The following NUP210 variants were observed in gnomAD, a reference collection of about 807,000 sequenced individuals.
NUP210 encodes nucleoporin 210.
A neutral mutation model predicts 196.0 loss-of-function variants in NUP210; 151 were observed. The ratio of observed to expected loss-of-function variants is 0.77; its 90% CI spans 0.67 to 0.88. The LOEUF (loss-of-function observed/expected upper bound fraction) is 0.88, where lower values mean the gene tolerates loss of function less well. Among genes scored for constraint, NUP210 ranks in the 40% least tolerant of loss-of-function variants. The probability of loss-of-function intolerance (pLI) is 0.00; values close to 1 mark genes in which losing one functional copy is unlikely to be tolerated. For synonymous variants in NUP210, 1,070 were observed against 1,052.7 expected (o/e 1.02, Z -0.32); for missense variants, 2,314 against 2,493.7 (o/e 0.93, Z 1.53).
chr3:13,411,343 G>T (rs533181122), intron 1 of NUP210, among the ~76,000 whole-genome samples: 1 of 152,336 alleles, frequency 6.6e-6, no homozygotes, highest in Non-Finnish European at 1.5e-5. Context: ...GAGTGAGTGT[G>T]GTTCTGGATC....
In NUP210 at chr3:13,323,205, T is replaced by C; in HGVS notation, c.4768+104A>G. 1 of 1,422,264 alleles carries C rather than the reference T, an allele frequency of 7.0e-7. No homozygotes were observed. Among genetic ancestry groups the C allele is most frequent in the East Asian group, 2.3e-5 (1 of 43,282 alleles). The allele number at this position is 1,422,264 out of a possible 1,614,324, so 88.1% of individuals were successfully genotyped here. A position where few individuals can be genotyped will look rare whatever the true frequency, so the allele number is the denominator to read the frequency against. ...CTAAATGCCCTCTCTGGAGTTGGTG[T>C]GAGTGTGAATAGGAGAAGCAGATAA... On this transcript the variant is annotated intron_variant, in intron 34 of 39. Transcript: ENST00000254508. The surrounding 1 kb of genome is among the most constrained non-coding windows in gnomAD (Gnocchi z 4.3).
At chr3:13,367,407 C>T (rs530367477) in intron 13 of NUP210, among the ~76,000 whole-genome samples, 2 of 152,248 alleles carry the variant, frequency 1.3e-5, no homozygotes, top group East Asian at 1.9e-4. Flanking sequence ...TGCACTCCCA[C>T]GTAGGCAACG....
At chr3:13,357,634 G>A (rs754018734) in intron 16 of NUP210, among the ~76,000 whole-genome samples, 5 of 152,184 alleles carry the variant, frequency 3.3e-5, no homozygotes, top group African/African-American at 9.7e-5. Flanking sequence ...AGCACCTTGG[G>A]CTCTGAATGC....
chr3:13,413,480 A>AG (rs1700247097), intron 1 of NUP210, among the ~76,000 whole-genome samples: 1 of 151,602 alleles, frequency 6.6e-6, no homozygotes, highest in Non-Finnish European at 1.5e-5. Context: ...AAAAAAAAAA[A>AG]CAAACAAACA....
intron 32 of NUP210, among the ~76,000 whole-genome samples, chr3:13,326,613 C>G (rs1288190652): frequency 6.6e-6 from 1 of 152,236 alleles, no homozygotes; most frequent in African/African-American, 2.4e-5. Flanking sequence ...AGATGTACTA[C>G]AGGTCACCTG....
Position 13,379,112 on chromosome 3 carries a change from G to C in NUP210, c.977-132C>G. The stretch of plus-strand genomic sequence containing the variant: ...AAGAAGAGGGGATGAAAACTCCCCT[G>C]GCTTAGGCCACGTAGAGCAAAGGCA... On this transcript the variant is annotated intron_variant, in intron 7 of 39. Transcript: ENST00000254508. The surrounding 1 kb of genome is among the most constrained non-coding windows in gnomAD (Gnocchi z 4.2). The C allele has an allele frequency of 1.3e-6, 1 of 789,282 alleles. No individual in the cohort carries two copies. Among genetic ancestry groups the C allele is most frequent in the Non-Finnish European group, 2.2e-6 (1 of 453,576 alleles). The allele number at this position is 789,282 out of a possible 1,614,324, so 48.9% of individuals were successfully genotyped here. A position where few individuals can be genotyped will look rare whatever the true frequency, so the allele number is the denominator to read the frequency against.
chr3:13,351,954 T>C lies in NUP210; in HGVS notation c.2760A>G (p.Ser920=). The part of the protein sequence containing the change: ...IQAELRIREG[S]GYFFLNTSTA... ...TGCTGGTGTTGAGGAAGAAGTAACCTGAGCCTTCCCTGATGCGGAGCTCTG... is the reference window on the plus strand; with the variant it reads ...TGCTGGTGTTGAGGAAGAAGTAACCCGAGCCTTCCCTGATGCGGAGCTCTG... The change falls in exon 20 of 40, where the codon TCA becomes TCG. Residue 920 remains serine, a synonymous_variant. Transcript: ENST00000254508. The C allele has an allele frequency of 3.1e-6, 5 of 1,612,408 alleles. No individual in the cohort carries two copies. The highest frequency in any genetic ancestry group is 1.7e-5 in the Admixed American group (1 of 59,942).
At chr3:13,380,078 T>C (rs1699052294) in intron 6 of NUP210, among the ~76,000 whole-genome samples, 2 of 152,186 alleles carry the variant, frequency 1.3e-5, no homozygotes, top group South Asian at 4.1e-4. Context: ...GGGTTCTTGC[T>C]GGTTCCGTCC....
intron 26 of NUP210, among the ~76,000 whole-genome samples, chr3:13,337,349 C>G (rs1044909913): frequency 9.9e-5 from 15 of 152,206 alleles, no homozygotes; most frequent in African/African-American, 3.6e-4. Context: ...CTTGAGGGCA[C>G]AGGCGGAGGC....
chr3:13,352,220 G>A (rs1296690075), intron 18 of NUP210, 36 bp from the exon 19 acceptor site: 3 of 1,502,946 alleles, frequency 2.0e-6, no homozygotes. Context: ...GATCCAGGAG[G>A]ACATGATTAG....
intron 4 of NUP210, among the ~76,000 whole-genome samples, chr3:13,390,771 C>A (rs1301109560): frequency 6.6e-6 from 1 of 152,254 alleles, no homozygotes; most frequent in African/African-American, 2.4e-5. Flanking sequence ...AGGTGTCCGC[C>A]TCACAACTGG....
rs750942993 is a variant in NUP210, at chr3:13,365,977, T to G, written c.1901A>C (p.Lys634Thr). The change falls in exon 14 of 40, where the codon AAG becomes ACG. Residue 634 changes from lysine (K) to threonine (T), a missense_variant. Lys to Thr is a moderately conservative substitution (Grantham distance 78). Transcript: ENST00000254508. Reference sequence around the variant, plus strand: ...GGGCAGGTAGGCAGCAATGGTGATCTTGGCACTCAGGTGGACGTGGCCGTG... The same window carrying G: ...GGGCAGGTAGGCAGCAATGGTGATCGTGGCACTCAGGTGGACGTGGCCGTG... ...YRHGHVHLSA[K>T]ITIAAYLPLK... is the part of the protein sequence containing the mutation. 1 of 1,614,174 alleles carries G rather than the reference T, an allele frequency of 6.2e-7. No homozygotes were observed. Among genetic ancestry groups the G allele is most frequent in the Admixed American group, 1.7e-5 (1 of 60,030 alleles).
intron 8 of NUP210, among the ~76,000 whole-genome samples, chr3:13,377,983 C>T (rs1156690268): frequency 6.6e-6 from 1 of 152,198 alleles, no homozygotes; most frequent in Non-Finnish European, 1.5e-5. Flanking sequence ...CTGGCCTCCT[C>T]CTTCTGCTGA....
At position 13,330,528 on chromosome 3, in the gene NUP210, T is replaced by C; in HGVS notation, c.4042A>G (p.Thr1348Ala). Residue 1348 changes from threonine (T) to alanine (A), a missense_variant, in exon 30 of 40, where the codon ACA becomes GCA. Physicochemically the swap from Thr to Ala is moderately conservative, Grantham distance 58. Transcript: ENST00000254508. The stretch of plus-strand genomic sequence containing the variant: ...TGTGCAATCACTTCGATGGTGGATG[T>C]CCCGATCATAGACCCTGATGCTAGA... ...GFLASGSMIG[T>A]STIEVIAQEP... 6.2e-7 allele frequency: 1 copy of C among 1,614,240 alleles called. No homozygotes were observed. The highest frequency in any genetic ancestry group is 8.5e-7 in the Non-Finnish European group (1 of 1,180,042).
At chr3:13,388,556 A>G in intron 4 of NUP210, 103 bp from the exon 5 acceptor site, 1 of 1,244,182 alleles carries the variant, frequency 8.0e-7, no homozygotes, top group Non-Finnish European at 1.1e-6. Flanking sequence ...ACTGGGGCTG[A>G]TGCTGAAATA....
At position 13,350,437 on chromosome 3, in the gene NUP210, A is replaced by AAAAACAAAACAAAAC. The variant is rs139729376; in HGVS notation, c.2835+1427_2835+1441dup. On this transcript the variant is annotated intron_variant, in intron 20 of 39. Transcript: ENST00000254508. The surrounding 1 kb of genome is among the most constrained non-coding windows in gnomAD (Gnocchi z 4.1). Reference sequence around the variant, plus strand: ...AGTTTCCAACAATTATAGGACATGAAAAAACAAAACAAAACAAAACAAAAC... The same window carrying AAAAACAAAACAAAAC: ...AGTTTCCAACAATTATAGGACATGAAAAAACAAAACAAAACAAAACAAAACAAAACAAAACAAAAC... 2.1e-5 allele frequency among the ~76,000 whole-genome samples: 3 copies of AAAAACAAAACAAAAC among 145,418 alleles called. No homozygotes were observed. The highest frequency in any genetic ancestry group is 2.0e-4 in the East Asian group (1 of 4,948).
At chr3:13,319,702 C>A (rs1696430629) in intron 37 of NUP210, 61 bp downstream of exon 37, 13 of 1,432,724 alleles carry the variant, frequency 9.1e-6, no homozygotes, top group Non-Finnish European at 1.2e-5. Flanking sequence ...ATAGCCAGGA[C>A]CACTCCTGCC....
At chr3:13,319,642 A>C in intron 37 of NUP210, 121 bp downstream of exon 37, 1 of 833,166 alleles carries the variant, frequency 1.2e-6, no homozygotes, top group Non-Finnish European at 2.0e-6. Context: ...ACTTTGAGGG[A>C]CATTCTGCAT....
At position 13,420,133 on chromosome 3, in the gene NUP210, T is replaced by C; in HGVS notation, c.94A>G (p.Lys32Glu). 1 of 1,346,432 alleles carries C rather than the reference T, an allele frequency of 7.4e-7. No individual in the cohort carries two copies. The highest frequency in any genetic ancestry group is 9.7e-7 in the Non-Finnish European group (1 of 1,028,664). The allele number at this position is 1,346,432 out of a possible 1,614,324, so 83.4% of individuals were successfully genotyped here. ...SAAAAKLNIPKVLLPFTRATR... is the reference protein window; with the variant it reads ...SAAAAKLNIPEVLLPFTRATR... ...GCCCGCGTGAAGGGCAGCAGCACTT[T>C]GGGGATGTTGAGCTTGGCCGCAGCG... Residue 32 changes from lysine (K) to glutamate (E), a missense_variant, in exon 1 of 40, where the codon AAA becomes GAA. Transcript: ENST00000254508. This position sits in a 1 kb window ranked among gnomAD's most constrained non-coding sequence, Gnocchi z 4.8.
Sources: allele counts gnomAD v4.1 joint callset (sites outside exome capture counted in the v4.1 genomes callset), GRCh38; gene constraint gnomAD v4.1.1; non-coding constraint Gnocchi (gnomAD v3.1); transcripts MANE v1.5; gene names NCBI Gene and HGNC (gene_info 2026-07-23, HGNC 2026-07-21).